The following GART variants were observed in gnomAD, a reference collection of about 807,000 sequenced individuals.
The protein encoded by GART is trifunctional purine biosynthetic protein adenosine-3.
A neutral mutation model predicts 107.2 loss-of-function variants in GART; 43 were observed. The ratio of observed to expected loss-of-function variants is 0.40; its 90% CI spans 0.31 to 0.52. The LOEUF (loss-of-function observed/expected upper bound fraction) is 0.52. Ranked by LOEUF, GART falls within the 20% of genes least tolerant of loss-of-function variation. The pLI is 0.52. For synonymous variants in GART, 434 were observed against 427.0 expected (o/e 1.02, Z -0.20); for missense variants, 1,107 against 1,206.5 (o/e 0.92, Z 1.22).
At chr21:33,538,941 C>T (rs958246568) in intron 2 of GART, among the ~76,000 whole-genome samples, 19 of 152,060 alleles carry the variant, frequency 1.2e-4, no homozygotes, top group East Asian at 1.9e-4. Flanking sequence ...CCACCACGCC[C>T]GGCTAATTTT....
Position 33,528,617 on chromosome 21 carries a change from A to AG in GART, c.812-14dup, listed in dbSNP as rs1555893466. 2.9e-6 allele frequency: 4 copies of AG among 1,362,636 alleles called. No individual in the cohort carries two copies. The highest frequency in any genetic ancestry group is 3.6e-5 in the African/African-American group (2 of 55,358). 84.4% of individuals were successfully genotyped at this position (1,362,636 alleles called of 1,614,324 possible). On this transcript the variant is annotated splice_polypyrimidine_tract_variant and intron_variant, in intron 8 of 21. Coordinates refer to ENST00000381815, the MANE Select transcript of GART (RefSeq NM_000819.5). The stretch of plus-strand genomic sequence containing the variant: ...GCATAGAGAATACCTTCATTAAAAA[A>AG]GAAAAAAAAAAAAAAGAGAGAAAGA...
Position 33,505,911 on chromosome 21 carries a change from T to A in GART, c.2583+63A>T, listed in dbSNP as rs188248656. 1.7e-3 allele frequency: 2,660 copies of A among 1,596,012 alleles called. 7 individuals are homozygous for A. The highest frequency in any genetic ancestry group is 0.011 in the Middle Eastern group (62 of 5,880). On this transcript the variant is annotated intron_variant, in intron 19 of 21. Transcript: ENST00000381815. ...AACAAGTGCCCATAGACCAGGGTCC[T>A]GTGAGGGCAGATTACGAGCTTAAAT...
chr21:33,515,458 G>A (rs1403584181), intron 16 of GART, among the ~76,000 whole-genome samples: 2 of 151,874 alleles, frequency 1.3e-5, no homozygotes, highest in African/African-American at 2.4e-5. Flanking sequence ...TGGCCAACAC[G>A]GTGAAACCCC....
rs146314613 is a variant in GART at position 33,524,975 on chromosome 21, T to A, written c.1092A>T (p.Gly364=). The change falls in exon 11 of 22, where the codon GGA becomes GGT. Residue 364 remains glycine, a synonymous_variant. Transcript: ENST00000381815. ...CAGTGCCTGCATGGAACACCTCCAGTCCTAGAGCTTGAGCCTCAGGAAACC... is the reference window on the plus strand; with the variant it reads ...CAGTGCCTGCATGGAACACCTCCAGACCTAGAGCTTGAGCCTCAGGAAACC... ...ITGFPEAQAL[G]LEVFHAGTAL... 1 of 1,614,190 alleles carries A rather than the reference T, an allele frequency of 6.2e-7. No homozygotes were observed. The highest frequency in any genetic ancestry group is 8.5e-7 in the Non-Finnish European group (1 of 1,180,028).
chr21:33,520,324 A>G, intron 14 of GART, 40 bp downstream of exon 14: 4 of 1,583,526 alleles, frequency 2.5e-6, no homozygotes, highest in South Asian at 1.1e-5. Flanking sequence ...AAACACAAAA[A>G]GAAGAATGAC....
At chr21:33,538,456 C>T (rs1460374410) in intron 2 of GART, among the ~76,000 whole-genome samples, 1 of 151,890 alleles carries the variant, frequency 6.6e-6, no homozygotes, top group Non-Finnish European at 1.5e-5. Flanking sequence ...TAGTCTCAAA[C>T]TGCTGGGCTC....
At position 33,509,865 on chromosome 21, in the gene GART, T is replaced by C. The variant is rs753019741; in HGVS notation, c.2370A>G (p.Ser790=). ...TTGTCAGGGAGCCATTCTTCAACACTGACCCATTTATTTGCATGCTTTCAA... is the reference window on the plus strand; with the variant it reads ...TTGTCAGGGAGCCATTCTTCAACACCGACCCATTTATTTGCATGCTTTCAA... The part of the protein sequence containing the change: ...NLIESMQING[S]VLKNGSLTNH... The change falls in exon 18 of 22, where the codon TCA becomes TCG. Residue 790 remains serine (S), a synonymous_variant. Transcript: ENST00000381815. The C allele has an allele frequency of 4.3e-6, 7 of 1,613,678 alleles. No homozygotes were observed. In the South Asian group the frequency reaches 7.7e-5, roughly 18 times the overall value.
Position 33,504,522 on chromosome 21 carries a change from T to C in GART, c.2731A>G (p.Met911Val). ...GPFVQKWNGK[M>V]LNIHPSLLPS... ...AGCAAGGATGGGTGGATATTGAGCA[T>C]TTTTCCTAAAAATTAAAAAAAGCAT... The change falls in exon 21 of 22, where the codon ATG becomes GTG. Residue 911 changes from methionine (M) to valine (V), a missense_variant. Met to Val is a conservative substitution (Grantham distance 21). Coordinates refer to ENST00000381815, the MANE Select transcript of GART (RefSeq NM_000819.5). The C allele has an allele frequency of 1.2e-6, 2 of 1,605,860 alleles. No homozygotes were observed. The highest frequency in any genetic ancestry group is 2.2e-5 in the East Asian group (1 of 44,752).
chr21:33,527,139 C>A (rs773138286), intron 10 of GART, among the ~76,000 whole-genome samples: 59 of 152,302 alleles, frequency 3.9e-4, no homozygotes, highest in Non-Finnish European at 6.5e-4. Context: ...CAATTCTTAA[C>A]TGCCTGCCTA....
chr21:33,535,256 T>C lies in GART; in HGVS notation c.210A>G (p.Val70=). 2.1e-6 allele frequency: 3 copies of C among 1,447,554 alleles called. No homozygotes were observed. The highest frequency in any genetic ancestry group is 1.2e-5 in the South Asian group (1 of 85,512). The allele number at this position is 1,447,554 out of a possible 1,614,324, so 89.7% of individuals were successfully genotyped here. A position where few individuals can be genotyped will look rare whatever the true frequency, so the allele number is the denominator to read the frequency against. ...QFCKEKKIEF[V]VVGPEAPLAA... ...CCAGAGGTGCTTCTGGTCCAACAAC[T>C]ACAAATTCAATTTTCTTCTCTTTGC... The change falls in exon 3 of 22, where the codon GTA becomes GTG. Residue 70 remains valine, a synonymous_variant. Coordinates refer to ENST00000381815, the MANE Select transcript of GART (RefSeq NM_000819.5).
intron 16 of GART, among the ~76,000 whole-genome samples, chr21:33,516,072 A>G (rs2145700618): frequency 6.6e-6 from 1 of 151,834 alleles, no homozygotes; most frequent in African/African-American, 2.4e-5. Flanking sequence ...ACAAGGTGAA[A>G]CCCTGTCTCT....
At chr21:33,520,822 A>C in intron 13 of GART, 84 bp downstream of exon 13, 1 of 1,042,510 alleles carries the variant, frequency 9.6e-7, no homozygotes, top group Non-Finnish European at 1.4e-6. Flanking sequence ...TAGCTCATAT[A>C]TGTCAAGAGA....
intron 14 of GART, among the ~76,000 whole-genome samples, chr21:33,517,847 C>A (rs2084906336): frequency 6.6e-6 from 1 of 152,188 alleles, no homozygotes; most frequent in African/African-American, 2.4e-5. Flanking sequence ...ATATATGCAG[C>A]CGCCAAACAC....
At position 33,531,494 on chromosome 21, in the gene GART, C is replaced by T; in HGVS notation, c.592G>A (p.Val198Met). The change falls in exon 6 of 22, where the codon GTG (valine) becomes ATG (methionine). Residue 198 changes from valine to methionine, a missense_variant. By Grantham distance (21) the Val-to-Met change is conservative. Coordinates refer to ENST00000381815, the MANE Select transcript of GART (RefSeq NM_000819.5). ...VIEELLDGEEVSCLCFTDGKT... is the reference protein window; with the variant it reads ...VIEELLDGEEMSCLCFTDGKT... ...AAAAAGATGAATATACATACCGACA[C>T]CTCTTCTCCGTCAAGAAGTTCTTCA... The T allele has an allele frequency of 6.2e-7, 1 of 1,612,998 alleles. No homozygotes were observed. Among genetic ancestry groups the T allele is most frequent in the Non-Finnish European group, 8.5e-7 (1 of 1,179,446 alleles).
In GART at chr21:33,517,152, AAG is replaced by A. The variant is rs774267617; in HGVS notation, c.1955-13_1955-12del. 11 of 1,592,696 alleles carry A rather than the reference AAG, an allele frequency of 6.9e-6. No individual in the cohort carries two copies. The highest frequency in any genetic ancestry group is 5.6e-5 in the Admixed American group (3 of 53,488). The stretch of plus-strand genomic sequence containing the variant: ...TGAGAAGTAAGTCCCCTGCATGTTG[AAG>A]AGAGAAGACAAAAACTTAGCCTATG... On this transcript the variant is annotated splice_polypyrimidine_tract_variant and intron_variant, in intron 15 of 21. Coordinates refer to ENST00000381815, the MANE Select transcript of GART (RefSeq NM_000819.5).
chr21:33,522,169 A>G lies in GART; in HGVS notation c.1393+19T>C, dbSNP rs924640297. The stretch of plus-strand genomic sequence containing the variant: ...TGTATATCAAAGTTAATGAATTAGC[A>G]AAGTATAGGATCACTGACCTGATCT... On this transcript the variant is annotated intron_variant, in intron 12 of 21. Transcript: ENST00000381815. 5.1e-6 allele frequency: 8 copies of G among 1,573,476 alleles called. No individual in the cohort carries two copies. In the African/African-American group the frequency reaches 9.5e-5, roughly 19 times the overall value.
intron 14 of GART, chr21:33,518,582 C>A: frequency 3.4e-6 from 1 of 292,850 alleles, no homozygotes; most frequent in Non-Finnish European, 6.8e-6. Context: ...TAAATTTTAT[C>A]AGATCCATAA....
chr21:33,523,942 G>C, intron 11 of GART: 4 of 918,586 alleles, frequency 4.4e-6, no homozygotes, highest in Non-Finnish European at 3.9e-6. Context: ...ACTCCAGCCT[G>C]GGCGACAAGA....
chr21:33,532,209 A>G (rs1054060722), intron 5 of GART, 136 bp downstream of exon 5: 10 of 673,630 alleles, frequency 1.5e-5, no homozygotes, highest in African/African-American at 7.2e-5. Flanking sequence ...ATTATAATAC[A>G]TGGGATTATA....
Sources: allele counts gnomAD v4.1 joint callset (sites outside exome capture counted in the v4.1 genomes callset), GRCh38; gene constraint gnomAD v4.1.1; transcripts MANE v1.5; gene names NCBI Gene and HGNC (gene_info 2026-07-23, HGNC 2026-07-21).